Variants in SUPT3H observed in about 807,000 individuals in gnomAD.
SUPT3H encodes the protein transcription initiation protein SPT3 homolog.
Under a neutral mutation model 44.3 loss-of-function variants are expected in SUPT3H, and 44 were observed. That is an observed-to-expected ratio of 0.99 (90% CI 0.78 to 1.28). The LOEUF is 1.28. Ranked by LOEUF, SUPT3H falls within the 50% of genes most tolerant of loss-of-function variation. The probability of loss-of-function intolerance (pLI) is 0.00; values close to 1 mark genes in which losing one functional copy is unlikely to be tolerated. For missense variants in SUPT3H, 380 were observed against 387.1 expected (o/e 0.98, Z 0.15); for synonymous variants, 124 against 125.6 (o/e 0.99, Z 0.09).
In SUPT3H at chr6:45,322,683, T is replaced by C. The variant is rs534952356; in HGVS notation, c.101+42518A>G. Among the ~76,000 whole-genome samples, 17 of 152,148 alleles carry C rather than the reference T, an allele frequency of 1.1e-4. 1 individual carries two copies. The South Asian group carries it at 3.5e-3, about 32-fold the overall frequency. The stretch of plus-strand genomic sequence containing the variant: ...CTGCGATCGCCTTTACTGAAACCAA[T>C]GAAAAATCTATACACAGTAATGAAA... On this transcript the variant is annotated intron_variant, in intron 2 of 10. Coordinates refer to ENST00000371459, the MANE Select transcript of SUPT3H (RefSeq NM_003599.4).
At chr6:45,228,527 T>A (rs1421544402) in intron 2 of SUPT3H, among the ~76,000 whole-genome samples, 1 of 152,224 alleles carries the variant, frequency 6.6e-6, no homozygotes, top group African/African-American at 2.4e-5. Flanking sequence ...CTGCAGATGT[T>A]AAACTTGAAT....
chr6:45,323,764 A>G (rs935748264), intron 2 of SUPT3H, among the ~76,000 whole-genome samples: 2 of 152,096 alleles, frequency 1.3e-5, no homozygotes, highest in Non-Finnish European at 2.9e-5. Flanking sequence ...GAAAGCTAAT[A>G]TACAAAAGAT....
intron 2 of SUPT3H, among the ~76,000 whole-genome samples, chr6:45,155,675 A>G (rs1807702614): frequency 6.6e-6 from 1 of 152,104 alleles, no homozygotes; most frequent in Non-Finnish European, 1.5e-5. Flanking sequence ...AAGGATGGGG[A>G]GTTAGGAACA....
intron 9 of SUPT3H, among the ~76,000 whole-genome samples, chr6:44,937,435 A>C (rs1301153483): frequency 6.6e-6 from 1 of 152,002 alleles, no homozygotes; most frequent in Non-Finnish European, 1.5e-5. Context: ...TGGAGGTTGC[A>C]GTGAGCCCAG....
intron 9 of SUPT3H, 99 bp downstream of exon 9, chr6:44,953,211 T>A: frequency 1.1e-6 from 1 of 888,142 alleles, no homozygotes; most frequent in Non-Finnish European, 1.8e-6. Flanking sequence ...CTGAAGGTTA[T>A]ACACTCCTGC....
intron 2 of SUPT3H, among the ~76,000 whole-genome samples, chr6:45,214,642 T>C (rs933424884): frequency 2.0e-5 from 3 of 151,904 alleles, no homozygotes; most frequent in Non-Finnish European, 2.9e-5. Flanking sequence ...AGGCCAAGAG[T>C]TGAAGACCAG....
intron 2 of SUPT3H, among the ~76,000 whole-genome samples, chr6:45,238,501 A>C (rs1401406776): frequency 5.3e-5 from 8 of 152,210 alleles, no homozygotes; most frequent in Non-Finnish European, 1.0e-4. Flanking sequence ...CTTGGCAATT[A>C]ACAAAGGAGG....
intron 2 of SUPT3H, among the ~76,000 whole-genome samples, chr6:45,242,361 G>A (rs1051101417): frequency 6.6e-6 from 1 of 152,170 alleles, no homozygotes; most frequent in African/African-American, 2.4e-5. Flanking sequence ...ATTTCACCAA[G>A]AAAGAACTTT....
chr6:44,817,139 C>T (rs1030251789), intron 11 of SUPT3H, among the ~76,000 whole-genome samples: 5 of 150,730 alleles, frequency 3.3e-5, no homozygotes, highest in South Asian at 4.2e-4. Context: ...CCCACACACA[C>T]GGAGGTTAAT....
At chr6:45,276,239 GAAT>G in intron 2 of SUPT3H, among the ~76,000 whole-genome samples, 1 of 151,982 alleles carries the variant, frequency 6.6e-6, no homozygotes, top group Non-Finnish European at 1.5e-5. Context: ...CATATAAATA[GAAT>G]AATATAGCAC....
At chr6:45,215,354 A>G (rs1364421782) in intron 2 of SUPT3H, among the ~76,000 whole-genome samples, 1 of 152,234 alleles carries the variant, frequency 6.6e-6, no homozygotes, top group African/African-American at 2.4e-5. Context: ...AATGAAAAAG[A>G]TAACTATGAT....
At chr6:45,042,756 C>G (rs1045311064) in intron 3 of SUPT3H, among the ~76,000 whole-genome samples, 40 of 151,868 alleles carry the variant, frequency 2.6e-4, no homozygotes, top group African/African-American at 9.2e-4. Flanking sequence ...GGTATATACC[C>G]AAAGGATTAT....
intron 2 of SUPT3H, among the ~76,000 whole-genome samples, chr6:45,155,029 T>A (rs1807587644): frequency 6.6e-6 from 1 of 152,034 alleles, no homozygotes; most frequent in Non-Finnish European, 1.5e-5. Context: ...AGGAAAAAAG[T>A]TAGGTTTGAA....
At position 44,835,469 on chromosome 6, in the gene SUPT3H, AAGGGATGAAGAT is replaced by A. The variant is rs1769680929; in HGVS notation, c.913-5624_913-5613del. Reference sequence around the variant, plus strand: ...TGAGGGCACAGAGGGTTGAGGTTGAAAGGGATGAAGATGGGCACAGAGGGTTGAGGTTGAAAG... The same window carrying A: ...TGAGGGCACAGAGGGTTGAGGTTGAAGGGCACAGAGGGTTGAGGTTGAAAG... On this transcript the variant is annotated intron_variant, in intron 10 of 10. Coordinates refer to ENST00000371459, the MANE Select transcript of SUPT3H (RefSeq NM_003599.4). Among the ~76,000 whole-genome samples the A allele has an allele frequency of 6.2e-4, 3 of 4,846 alleles. No homozygotes were observed. In the East Asian group the frequency reaches 6.9e-3, roughly 11 times the overall value. 3.2% of individuals were successfully genotyped at this position (4,846 alleles called of 152,430 possible).
intron 3 of SUPT3H, among the ~76,000 whole-genome samples, chr6:45,024,142 T>C (rs1785588000): frequency 6.6e-6 from 1 of 152,222 alleles, no homozygotes; most frequent in Admixed American, 6.5e-5. Context: ...AATATTAACT[T>C]GTAACAACTT....
chr6:45,101,423 C>A (rs1181442047), intron 3 of SUPT3H, among the ~76,000 whole-genome samples: 1 of 152,132 alleles, frequency 6.6e-6, no homozygotes. Flanking sequence ...GAAACTCCGT[C>A]TCCAAAACAA....
rs114649586 is a variant in SUPT3H at position 45,144,799 on chromosome 6, T to A, written c.102-38793A>T. 7.5e-3 allele frequency among the ~76,000 whole-genome samples: 1,135 copies of A among 152,138 alleles called. 15 individuals are homozygous for A. Among genetic ancestry groups the A allele is most frequent in the African/African-American group, 0.026 (1,084 of 41,512 alleles). On this transcript the variant is annotated intron_variant, in intron 2 of 10. Transcript: ENST00000371459. ...AAGCTCCTAGATTTGATAAATGAATTCATTTGATAAATGAATTCAGTAGTT... is the reference window on the plus strand; with the variant it reads ...AAGCTCCTAGATTTGATAAATGAATACATTTGATAAATGAATTCAGTAGTT...
intron 2 of SUPT3H, among the ~76,000 whole-genome samples, chr6:45,182,529 T>A (rs1455262334): frequency 1.3e-5 from 2 of 152,272 alleles, no homozygotes; most frequent in Non-Finnish European, 2.9e-5. Context: ...CCCAAAAGGC[T>A]GGGATTACAG....
intron 2 of SUPT3H, among the ~76,000 whole-genome samples, chr6:45,287,052 T>C (rs1312354934): frequency 6.6e-6 from 1 of 151,622 alleles, no homozygotes; most frequent in Non-Finnish European, 1.5e-5. Flanking sequence ...TGAGAACACA[T>C]GGACACAGGA....
Sources: gnomAD v4.1 joint callset for allele counts (sites outside exome capture counted in the v4.1 genomes callset) on GRCh38, gnomAD v4.1.1 for gene constraint, MANE v1.5 for transcripts, NCBI Gene and HGNC (gene_info 2026-07-23, HGNC 2026-07-21) for gene names.